The following STK39 variants were observed in gnomAD, a reference collection of about 807,000 sequenced individuals.
STK39 encodes the protein serine/threonine kinase 39, also known as STE20/SPS1-related proline-alanine-rich protein kinase.
A neutral mutation model predicts 77.8 loss-of-function variants in STK39; 20 were observed. The ratio of observed to expected loss-of-function variants is 0.26; its 90% CI spans 0.18 to 0.37. The LOEUF (loss-of-function observed/expected upper bound fraction) is 0.37, where lower values mean the gene tolerates loss of function less well. Ranked by LOEUF, STK39 falls within the 10% of genes least tolerant of loss-of-function variation. The pLI is 1.00. For synonymous variants in STK39, 246 were observed against 234.1 expected (o/e 1.05, Z -0.47); for missense variants, 479 against 656.5 (o/e 0.73, Z 2.95).
intron 8 of STK39, among the ~76,000 whole-genome samples, chr2:168,130,454 T>C (rs1172610819): frequency 6.6e-6 from 1 of 152,214 alleles, no homozygotes; most frequent in African/African-American, 2.4e-5. Context: ...ACTTCATAGA[T>C]GATGGCACAC....
chr2:168,096,665 A>G (rs1041600008), intron 10 of STK39, among the ~76,000 whole-genome samples: 1 of 152,064 alleles, frequency 6.6e-6, no homozygotes, highest in Non-Finnish European at 1.5e-5. Flanking sequence ...CCATTTTTGG[A>G]TATTTGAGAT....
chr2:168,096,260 C>T (rs887236097), intron 10 of STK39, among the ~76,000 whole-genome samples: 9 of 152,098 alleles, frequency 5.9e-5, no homozygotes, highest in African/African-American at 2.2e-4. Flanking sequence ...AATCCTTCCA[C>T]TGGGTGACAG....
intron 4 of STK39, among the ~76,000 whole-genome samples, chr2:168,162,148 T>C (rs960699372): frequency 6.6e-6 from 1 of 152,012 alleles, no homozygotes; most frequent in African/African-American, 2.4e-5. Context: ...TAGTTGGGCA[T>C]GGTGGCAGGT....
intron 14 of STK39, among the ~76,000 whole-genome samples, chr2:168,059,146 G>T (rs1192597326): frequency 1.3e-5 from 2 of 152,174 alleles, no homozygotes; most frequent in African/African-American, 4.8e-5. Context: ...ATAGGGGTCT[G>T]TCTGTTCAAA....
intron 3 of STK39, among the ~76,000 whole-genome samples, chr2:168,166,301 G>C (rs557493123): frequency 6.6e-6 from 1 of 152,150 alleles, no homozygotes; most frequent in Non-Finnish European, 1.5e-5. Context: ...TTCAAAAAAG[G>C]CAACGGTTAT....
rs532491177 is a variant in STK39 at position 168,181,802 on chromosome 2, A to G, written c.321+176T>C. ...AAGCAAGGGAAGGTGTTCATTATAC[A>G]ACACAATCATAAGGTACAGTCCCAT... On this transcript the variant is annotated intron_variant, in intron 2 of 17. Transcript: ENST00000355999. 1.1e-4 allele frequency among the ~76,000 whole-genome samples: 16 copies of G among 152,346 alleles called. No homozygotes were observed. In the South Asian group the frequency reaches 3.3e-3, roughly 32 times the overall value.
At chr2:168,085,390 C>T (rs1341160769) in intron 10 of STK39, among the ~76,000 whole-genome samples, 1 of 152,196 alleles carries the variant, frequency 6.6e-6, no homozygotes, top group Non-Finnish European at 1.5e-5. Context: ...CCGTTTTCCC[C>T]CTTTTGGGCA....
chr2:167,961,694 C>T (rs1691964507), intron 17 of STK39, among the ~76,000 whole-genome samples: 1 of 152,216 alleles, frequency 6.6e-6, no homozygotes, highest in African/African-American at 2.4e-5. Flanking sequence ...CAGCCCCTGG[C>T]CATACCAACA....
chr2:168,132,056 T>C (rs1051288848), intron 8 of STK39, among the ~76,000 whole-genome samples: 1 of 152,088 alleles, frequency 6.6e-6, no homozygotes, highest in Non-Finnish European at 1.5e-5. Flanking sequence ...TTCAAACACC[T>C]TGGAAGGAGA....
At chr2:168,044,333 C>T (rs1341420845) in intron 14 of STK39, among the ~76,000 whole-genome samples, 1 of 152,114 alleles carries the variant, frequency 6.6e-6, no homozygotes, top group Non-Finnish European at 1.5e-5. Context: ...ATATATGGTC[C>T]TTTCCTTATC....
intron 10 of STK39, among the ~76,000 whole-genome samples, chr2:168,098,863 C>T (rs1381968442): frequency 6.6e-6 from 1 of 152,248 alleles, no homozygotes; most frequent in Non-Finnish European, 1.5e-5. Context: ...CCCTCCCCGC[C>T]AATCTGGCGA....
chr2:168,006,522 T>C (rs1368401245), intron 16 of STK39, among the ~76,000 whole-genome samples: 1 of 152,216 alleles, frequency 6.6e-6, no homozygotes, highest in Non-Finnish European at 1.5e-5. Context: ...AAGGAGTTTC[T>C]CTGCTGTCTC....
intron 17 of STK39, among the ~76,000 whole-genome samples, chr2:167,963,838 A>G (rs1300893976): frequency 6.6e-6 from 1 of 152,226 alleles, no homozygotes; most frequent in African/African-American, 2.4e-5. Flanking sequence ...CAAATATAAA[A>G]AAGATCATCA....
intron 10 of STK39, among the ~76,000 whole-genome samples, chr2:168,107,780 T>C (rs1348070960): frequency 6.6e-6 from 1 of 152,208 alleles, no homozygotes; most frequent in Non-Finnish European, 1.5e-5. Context: ...CAAGTGGTAA[T>C]AGCTACTGTA....
At chr2:168,102,986 A>G (rs1574467358) in intron 10 of STK39, among the ~76,000 whole-genome samples, 1 of 146,934 alleles carries the variant, frequency 6.8e-6, no homozygotes, top group South Asian at 2.2e-4. Context: ...TTCTCTTTGG[A>G]TTCAATATGA....
At chr2:168,106,371 T>C (rs993584585) in intron 10 of STK39, among the ~76,000 whole-genome samples, 13 of 152,226 alleles carry the variant, frequency 8.5e-5, no homozygotes, top group African/African-American at 1.9e-4. Flanking sequence ...AATCTTTGAC[T>C]TAGTTTAAAC....
chr2:168,126,760 AACCTACAG>A (rs1332155414), intron 10 of STK39, among the ~76,000 whole-genome samples: 4 of 152,178 alleles, frequency 2.6e-5, no homozygotes, highest in Admixed American at 6.5e-5. Flanking sequence ...TATGTCAAAG[AACCTACAG>A]GTGAGGGGTG....
At chr2:168,182,909 G>C (rs1689119560) in intron 1 of STK39, among the ~76,000 whole-genome samples, 1 of 152,102 alleles carries the variant, frequency 6.6e-6, no homozygotes. Context: ...CTGCAAGATA[G>C]CCAACAACAG....
intron 16 of STK39, among the ~76,000 whole-genome samples, chr2:167,978,675 C>T (rs528797909): frequency 2.0e-5 from 3 of 152,252 alleles, no homozygotes; most frequent in Admixed American, 6.5e-5. Context: ...TGAGTATGAA[C>T]ATGTGTACAC....
Sources: allele counts gnomAD v4.1 joint callset (sites outside exome capture counted in the v4.1 genomes callset), GRCh38; gene constraint gnomAD v4.1.1; transcripts MANE v1.5; gene names NCBI Gene and HGNC (gene_info 2026-07-23, HGNC 2026-07-21).